The following MAMDC2 variants were observed in gnomAD, a reference collection of about 807,000 sequenced individuals.
The protein encoded by MAMDC2 is MAM domain containing 2, also known as MAM domain-containing protein 2.
In MAMDC2, 57 loss-of-function variants were observed where a neutral mutation model predicts 89.8. The ratio of observed to expected loss-of-function variants is 0.63; its 90% CI spans 0.51 to 0.79. MAMDC2 has a LOEUF of 0.79. Among genes scored for constraint, MAMDC2 ranks in the 30% least tolerant of loss-of-function variants. MAMDC2 has a pLI of 0.00. For missense variants in MAMDC2, 800 were observed against 820.6 expected, an observed-to-expected ratio of 0.97 and a Z score of 0.31; for synonymous variants, 313 against 293.4, an observed-to-expected ratio of 1.07 and a Z score of -0.68.
intron 12 of MAMDC2, among the ~76,000 whole-genome samples, chr9:70,225,040 C>T (rs968608765): frequency 1.3e-5 from 2 of 152,156 alleles, no homozygotes; most frequent in African/African-American, 4.8e-5. Flanking sequence ...TTCTGAACAA[C>T]TTTCATTACC....
At chr9:70,140,021 A>T in intron 7 of MAMDC2, 124 bp from the exon 8 acceptor site, 1 of 918,596 alleles carries the variant, frequency 1.1e-6, no homozygotes, top group Non-Finnish European at 1.5e-6. Context: ...AAAGATATTT[A>T]GTTGTGTTTT....
chr9:70,148,423 A>G (rs2031473290), intron 9 of MAMDC2, among the ~76,000 whole-genome samples: 1 of 150,188 alleles, frequency 6.7e-6, no homozygotes, highest in South Asian at 2.1e-4. Context: ...TTTAAACCCC[A>G]AGTCTGCCAC....
At chr9:70,175,891 A>T (rs1363961809) in intron 11 of MAMDC2, 2 of 152,162 alleles carry the variant, frequency 1.3e-5, no homozygotes, top group African/African-American at 4.8e-5. Flanking sequence ...CCCGATATGT[A>T]TCTTCTTGTA....
chr9:70,133,686 C>A lies in MAMDC2; in HGVS notation c.994+2074C>A, dbSNP rs186169232. Among the ~76,000 whole-genome samples, 50 of 152,292 alleles carry A rather than the reference C, an allele frequency of 3.3e-4. No homozygotes were observed. In the East Asian group the frequency reaches 8.3e-3, roughly 25 times the overall value. On this transcript the variant is annotated intron_variant, in intron 7 of 13. Coordinates refer to ENST00000377182, the MANE Select transcript of MAMDC2 (RefSeq NM_153267.5). ...TATTTAACTTCTTTGAGACTCTTTC[C>A]ACATCTATAGCAAAGACGGAAGAAG...
chr9:70,099,820 C>T (rs1449060257), intron 2 of MAMDC2, among the ~76,000 whole-genome samples: 2 of 151,998 alleles, frequency 1.3e-5, no homozygotes, highest in Non-Finnish European at 2.9e-5. Context: ...ACTAAAAACA[C>T]AAAAATTAGC....
intron 7 of MAMDC2, among the ~76,000 whole-genome samples, chr9:70,138,832 A>T (rs189957191): frequency 2.0e-5 from 3 of 152,168 alleles, no homozygotes; most frequent in Admixed American, 2.0e-4. Context: ...TGACTCTTTG[A>T]CCTGCACAAT....
intron 6 of MAMDC2, 67 bp from the exon 7 acceptor site, chr9:70,131,452 C>T: frequency 9.5e-7 from 1 of 1,048,154 alleles, no homozygotes; most frequent in East Asian, 2.5e-5. Context: ...CATTTTAAAT[C>T]ATTAAGAGCA....
At chr9:70,189,629 C>G (rs749371218) in intron 11 of MAMDC2, among the ~76,000 whole-genome samples, 3 of 152,150 alleles carry the variant, frequency 2.0e-5, no homozygotes, top group Middle Eastern at 3.4e-3. Flanking sequence ...TTTTAAAAAT[C>G]AGGTTTGAAA....
intron 12 of MAMDC2, among the ~76,000 whole-genome samples, chr9:70,222,532 A>T (rs2033584395): frequency 6.6e-6 from 1 of 152,160 alleles, no homozygotes; most frequent in Non-Finnish European, 1.5e-5. Flanking sequence ...TCATTAGATC[A>T]TCCCTGTGGG....
chr9:70,064,433 G>A (rs1415621384), intron 2 of MAMDC2, among the ~76,000 whole-genome samples: 3 of 152,028 alleles, frequency 2.0e-5, no homozygotes, highest in Non-Finnish European at 2.9e-5. Context: ...TCTTTCACCG[G>A]ATATATGAAT....
intron 3 of MAMDC2, 30 bp from the exon 4 acceptor site, chr9:70,109,690 A>C (rs775369559): frequency 1.1e-5 from 17 of 1,552,668 alleles, no homozygotes; most frequent in Non-Finnish European, 1.5e-5. Context: ...TTTGAAGTCT[A>C]ACTCCCCTTC....
At chr9:70,069,493 C>G (rs940914533) in intron 2 of MAMDC2, among the ~76,000 whole-genome samples, 1 of 152,062 alleles carries the variant, frequency 6.6e-6, no homozygotes, top group Non-Finnish European at 1.5e-5. Context: ...ACTTTATAGA[C>G]GATAGGGTCA....
chr9:70,205,432 CCT>C (rs1423339189), intron 11 of MAMDC2, among the ~76,000 whole-genome samples: 2 of 152,120 alleles, frequency 1.3e-5, no homozygotes, highest in Admixed American at 6.5e-5. Flanking sequence ...ATCTTTTTCC[CCT>C]GATTTTTAAG....
intron 9 of MAMDC2, chr9:70,157,459 C>T (rs1169042630): frequency 6.6e-6 from 1 of 152,364 alleles, no homozygotes; most frequent in African/African-American, 2.4e-5. Context: ...TTTCCCTCCT[C>T]CTCTTATATG....
chr9:70,158,271 T>C (rs538763762), intron 9 of MAMDC2, among the ~76,000 whole-genome samples: 74 of 152,150 alleles, frequency 4.9e-4, no homozygotes, highest in Non-Finnish European at 9.4e-4. Flanking sequence ...TTAAAAGTAA[T>C]GAAATAATAC....
At chr9:70,055,876 A>G (rs1332491724) in intron 2 of MAMDC2, among the ~76,000 whole-genome samples, 1 of 152,186 alleles carries the variant, frequency 6.6e-6, no homozygotes, top group Admixed American at 6.5e-5. Context: ...CCTACTGTGA[A>G]AGAATTAAAA....
rs770085814 is a variant in MAMDC2, at chr9:70,126,212, C to T, written c.697C>T (p.Gln233Ter). 2 of 1,613,946 alleles carry T rather than the reference C, an allele frequency of 1.2e-6. No homozygotes were observed. Residue 233 changes from glutamine (Q) to a stop codon, truncating the protein, a stop_gained, in exon 6 of 14, where the codon CAG (glutamine) becomes TAG (stop). Transcript: ENST00000377182. LOFTEE classifies it high-confidence loss of function. ...TGTGAAGCACTTCCAGGAGGTGGCACAGCTCATCTCCCCGTTGACCACGGC... is the reference window on the plus strand; with the variant it reads ...TGTGAAGCACTTCCAGGAGGTGGCATAGCTCATCTCCCCGTTGACCACGGC... ...VYVKHFQEVA[Q>*]LISPLTTAPM... is the part of the protein sequence containing the mutation.
chr9:70,063,704 C>T (rs1400505641), intron 2 of MAMDC2, among the ~76,000 whole-genome samples: 6 of 152,094 alleles, frequency 3.9e-5, no homozygotes. Flanking sequence ...ATCACTGGAA[C>T]CTACTTTGTG....
Position 70,131,524 on chromosome 9 carries a change from T to C in MAMDC2, c.906T>C (p.Ile302=). 1 of 1,598,804 alleles carries C rather than the reference T, an allele frequency of 6.3e-7. No homozygotes were observed. Among genetic ancestry groups the C allele is most frequent in the South Asian group, 1.1e-5 (1 of 87,250 alleles). ...EFSAPYPMEV[I]FEVAFNGPKG... ...CATGCCATTTTCCTCTGCAGGTTAT[T>C]TTTGAAGTTGCTTTCAATGGTCCCA... The change falls in exon 7 of 14, where the codon ATT becomes ATC. Residue 302 remains isoleucine, a synonymous_variant. Transcript: ENST00000377182.
Sources: allele counts gnomAD v4.1 joint callset (sites outside exome capture counted in the v4.1 genomes callset), GRCh38; gene constraint gnomAD v4.1.1; transcripts MANE v1.5; gene names NCBI Gene and HGNC (gene_info 2026-07-23, HGNC 2026-07-21).